The following PPARGC1A variants were observed in gnomAD, a reference collection of about 807,000 sequenced individuals.
The protein encoded by PPARGC1A is PPARG coactivator 1 alpha, also known as peroxisome proliferator-activated receptor gamma coactivator 1-alpha.
A neutral mutation model predicts 88.7 loss-of-function variants in PPARGC1A; 25 were observed. The observed-to-expected ratio is 0.28, with a 90% CI of 0.21 to 0.39. The LOEUF (loss-of-function observed/expected upper bound fraction) is 0.39. PPARGC1A is among the 10% of genes least tolerant of loss of function. The probability of loss-of-function intolerance (pLI) is 1.00; values close to 1 mark genes in which losing one functional copy is unlikely to be tolerated. For missense variants in PPARGC1A, 880 were observed against 968.7 expected (o/e 0.91, Z 1.22); for synonymous variants, 363 against 355.6 (o/e 1.02, Z -0.24).
chr4:23,824,248 C>T (rs1406533983), intron 7 of PPARGC1A, 32 bp downstream of exon 7: 1 of 1,566,228 alleles, frequency 6.4e-7, no homozygotes. Context: ...CAGACAGACA[C>T]ACACAAGTTC....
chr4:24,300,262 T>C, the PPARGC1A span, among the ~76,000 whole-genome samples: 4 of 149,916 alleles, frequency 2.7e-5, no homozygotes, highest in African/African-American at 4.9e-5. Flanking sequence ...AAAACGAATT[T>C]ACTACTGCTT....
At chr4:24,427,293 T>C in the PPARGC1A span, among the ~76,000 whole-genome samples, 1 of 151,688 alleles carries the variant, frequency 6.6e-6, no homozygotes, top group African/African-American at 2.4e-5. Flanking sequence ...TTTTTTTTTT[T>C]TTTTTGAGAC....
Position 23,824,513 on chromosome 4 carries a change from A to AG in PPARGC1A, c.758-6dup. ...GAGATAAAGTTGTTGGTTTGGCTAAAGAAAAAAAAAAGAAACTAATTATGT... is the reference window on the plus strand; with the variant it reads ...GAGATAAAGTTGTTGGTTTGGCTAAAGGAAAAAAAAAAGAAACTAATTATGT... On this transcript the variant is annotated splice_polypyrimidine_tract_variant and splice_region_variant and intron_variant, in intron 5 of 12. Coordinates refer to ENST00000264867, the MANE Select transcript of PPARGC1A (RefSeq NM_013261.5). 1.9e-6 allele frequency: 3 copies of AG among 1,590,500 alleles called. No individual in the cohort carries two copies. The highest frequency in any genetic ancestry group is 2.6e-6 in the Non-Finnish European group (3 of 1,165,504).
chr4:23,993,536 C>T, the PPARGC1A span, among the ~76,000 whole-genome samples: 1 of 152,064 alleles, frequency 6.6e-6, no homozygotes, highest in African/African-American at 2.4e-5. Flanking sequence ...GTTGTAGGTC[C>T]TCAAAATATT....
chr4:24,174,137 A>G, the PPARGC1A span, among the ~76,000 whole-genome samples: 107 of 152,306 alleles, frequency 7.0e-4, no homozygotes, highest in African/African-American at 2.5e-3. Flanking sequence ...GTAACTCTCC[A>G]TGATGGCTCA....
At chr4:24,354,849 T>C in the PPARGC1A span, among the ~76,000 whole-genome samples, 71 of 152,182 alleles carry the variant, frequency 4.7e-4, no homozygotes, top group African/African-American at 1.6e-3. Flanking sequence ...ATCACGCGAC[T>C]GCACTCCAGC....
At chr4:24,188,137 A>C in the PPARGC1A span, among the ~76,000 whole-genome samples, 2 of 152,202 alleles carry the variant, frequency 1.3e-5, no homozygotes, top group Non-Finnish European at 2.9e-5. Flanking sequence ...AAAGTCATTA[A>C]AATTCCAGGA....
At chr4:23,959,146 A>C in the PPARGC1A span, among the ~76,000 whole-genome samples, 1 of 152,114 alleles carries the variant, frequency 6.6e-6, no homozygotes, top group Admixed American at 6.5e-5. Context: ...TCATCAGAGA[A>C]TGAATGCAAA....
At chr4:24,360,319 A>G in the PPARGC1A span, among the ~76,000 whole-genome samples, 1 of 152,072 alleles carries the variant, frequency 6.6e-6, no homozygotes, top group Non-Finnish European at 1.5e-5. Flanking sequence ...ATAAAATCCA[A>G]ACTCCACACT....
At chr4:24,327,390 C>A in the PPARGC1A span, among the ~76,000 whole-genome samples, 2 of 152,190 alleles carry the variant, frequency 1.3e-5, no homozygotes, top group African/African-American at 4.8e-5. Context: ...CTCGTGCTAT[C>A]CCCAAACTGC....
the PPARGC1A span, among the ~76,000 whole-genome samples, chr4:24,244,515 C>G: frequency 2.0e-5 from 3 of 152,144 alleles, no homozygotes; most frequent in South Asian, 6.2e-4. Flanking sequence ...GTGTTGGAAC[C>G]AGGATTCAAA....
At chr4:24,417,548 A>C in the PPARGC1A span, among the ~76,000 whole-genome samples, 1 of 152,240 alleles carries the variant, frequency 6.6e-6, no homozygotes, top group East Asian at 1.9e-4. Context: ...GATTAATTGC[A>C]CAAAGATACA....
the PPARGC1A span, among the ~76,000 whole-genome samples, chr4:24,466,938 GAAAGAAAA>G: frequency 7.5e-6 from 1 of 133,644 alleles, no homozygotes; most frequent in Admixed American, 7.9e-5. Context: ...GGGAGGGAGA[GAAAGAAAA>G]AGAAAAAAAG....
At position 23,861,612 on chromosome 4, in the gene PPARGC1A, G is replaced by A. The variant is rs1468731363; in HGVS notation, c.234+23140C>T. Among the ~76,000 whole-genome samples, 9 of 152,098 alleles carry A rather than the reference G, an allele frequency of 5.9e-5. 1 individual carries two copies. Among genetic ancestry groups the A allele is most frequent in the Admixed American group, 5.9e-4 (9 of 15,264 alleles). On this transcript the variant is annotated intron_variant, in intron 2 of 12. Transcript: ENST00000264867. ...TACATATTTACTGAGCTCCTATTATGTGCAAGGAATTGTATATAAGAAAAA... is the reference window on the plus strand; with the variant it reads ...TACATATTTACTGAGCTCCTATTATATGCAAGGAATTGTATATAAGAAAAA...
the PPARGC1A span, among the ~76,000 whole-genome samples, chr4:24,041,443 C>T: frequency 2.0e-5 from 3 of 151,978 alleles, no homozygotes; most frequent in African/African-American, 7.2e-5. Context: ...GTCCTGGCCT[C>T]CCACTGTTGC....
chr4:24,272,313 G>A, the PPARGC1A span, among the ~76,000 whole-genome samples: 3,546 of 152,036 alleles, frequency 0.023, 54 homozygotes, highest in Non-Finnish European at 0.037. Context: ...CCTTCCTATT[G>A]TCTCTAACGA....
chr4:24,002,058 G>T, the PPARGC1A span, among the ~76,000 whole-genome samples: 1 of 140,210 alleles, frequency 7.1e-6, no homozygotes, highest in Non-Finnish European at 1.5e-5. Flanking sequence ...ACACAAATTG[G>T]ATGATAAATT....
At chr4:23,799,077 C>T (rs946516610) in intron 12 of PPARGC1A, among the ~76,000 whole-genome samples, 1 of 152,250 alleles carries the variant, frequency 6.6e-6, no homozygotes, top group East Asian at 1.9e-4. Context: ...ATCTGTGTCA[C>T]ATCATTTTTG....
chr4:24,436,505 C>T, the PPARGC1A span, among the ~76,000 whole-genome samples: 1 of 151,002 alleles, frequency 6.6e-6, no homozygotes, highest in East Asian at 1.9e-4. Context: ...ACCCCAGAGC[C>T]CAGGTCACAA....
Sources: allele counts gnomAD v4.1 joint callset (sites outside exome capture counted in the v4.1 genomes callset), GRCh38; gene constraint gnomAD v4.1.1; transcripts MANE v1.5; gene names NCBI Gene and HGNC (gene_info 2026-07-23, HGNC 2026-07-21).